Variants in KIF1B observed in about 807,000 individuals in gnomAD.
The protein encoded by KIF1B is kinesin-like protein KIF1B.
A neutral mutation model predicts 241.9 loss-of-function variants in KIF1B; 76 were observed. That is an observed-to-expected ratio of 0.31 (90% CI 0.26 to 0.38). The LOEUF is 0.38. KIF1B is among the 10% of genes least tolerant of loss of function. The probability of loss-of-function intolerance (pLI) is 1.00; values close to 1 mark genes in which losing one functional copy is unlikely to be tolerated. For missense variants in KIF1B, 1,622 were observed against 2,271.4 expected, an observed-to-expected ratio of 0.71 and a Z score of 5.81; for synonymous variants, 750 against 796.7, an observed-to-expected ratio of 0.94 and a Z score of 0.99.
At chr1:10,275,741 T>C (rs1649064084) in intron 11 of KIF1B, among the ~76,000 whole-genome samples, 1 of 152,142 alleles carries the variant, frequency 6.6e-6, no homozygotes, top group African/African-American at 2.4e-5. Flanking sequence ...GCAGTAGTTG[T>C]CCTCCCGACT....
chr1:10,334,012 A>G (rs771529579), intron 27 of KIF1B, among the ~76,000 whole-genome samples: 4 of 151,846 alleles, frequency 2.6e-5, no homozygotes, highest in Non-Finnish European at 4.4e-5. Context: ...TTAGCTGGCT[A>G]TGGTGGCACG....
rs754692148 is a variant in KIF1B at position 10,365,134 on chromosome 1, G to A, written c.4401G>A (p.Thr1467=). The A allele has an allele frequency of 1.5e-5, 24 of 1,613,692 alleles. No homozygotes were observed. In the South Asian group the frequency reaches 2.0e-4, roughly 13 times the overall value. The change falls in exon 42 of 49, where the codon ACG becomes ACA. Residue 1467 remains threonine, a synonymous_variant. Coordinates refer to ENST00000676179, the MANE Select transcript of KIF1B (RefSeq NM_001365951.3). The surrounding 1 kb of genome is among the most constrained non-coding windows in gnomAD (Gnocchi z 4.0). ...MQRRRRKILD[T]SVAYVRGEEN... is the part of the protein sequence containing the mutation. ...GAAGGAGAAGAAAAATCTTAGATACGTCAGTGGCATATGTGCGGGGAGAAG... is the reference window on the plus strand; with the variant it reads ...GAAGGAGAAGAAAAATCTTAGATACATCAGTGGCATATGTGCGGGGAGAAG...
chr1:10,348,345 C>T (rs888306460), intron 36 of KIF1B, among the ~76,000 whole-genome samples: 1 of 152,146 alleles, frequency 6.6e-6, no homozygotes, highest in African/African-American at 2.4e-5. Flanking sequence ...TGGTTGAATA[C>T]TTATTATACA....
Position 10,380,082 on chromosome 1 carries a change from C to G in KIF1B, c.*3495C>G, listed in dbSNP as rs1638983628. 4.4e-6 allele frequency: 1 copy of G among 228,328 alleles called. No homozygotes were observed. Among genetic ancestry groups the G allele is most frequent in the Non-Finnish European group, 8.7e-6 (1 of 114,836 alleles). The allele number at this position is 228,328 out of a possible 1,614,324, so 14.1% of individuals were successfully genotyped here. A position where few individuals can be genotyped will look rare whatever the true frequency, so the allele number is the denominator to read the frequency against. On this transcript the variant is annotated 3_prime_UTR_variant, in exon 49 of 49. Transcript: ENST00000676179. Reference sequence around the variant, plus strand: ...CTCATTTCAGATGAAGGAACTAAGTCATTGTGAACTGTCTCTTGAGATCTA... The same window carrying G: ...CTCATTTCAGATGAAGGAACTAAGTGATTGTGAACTGTCTCTTGAGATCTA...
At position 10,371,192 on chromosome 1, in the gene KIF1B, A is replaced by C. The variant is rs1459184012; in HGVS notation, c.4876A>C (p.Ser1626Arg). 6.2e-7 allele frequency: 1 copy of C among 1,614,120 alleles called. No individual in the cohort carries two copies. Among genetic ancestry groups the C allele is most frequent in the Non-Finnish European group, 8.5e-7 (1 of 1,180,006 alleles). ...GRDPSESSFS[S>R]ATLTPSSTCP... is the part of the protein sequence containing the mutation. Reference sequence around the variant, plus strand: ...GGATCCCTCTGAGTCCAGTTTCAGCAGTGCCACCCTCACTCCCTCCTCCAC... The same window carrying C: ...GGATCCCTCTGAGTCCAGTTTCAGCCGTGCCACCCTCACTCCCTCCTCCAC... Residue 1626 changes from serine (S) to arginine (R), a missense_variant, in exon 45 of 49, where the codon AGT (serine) becomes CGT (arginine). Physicochemically the swap from Ser to Arg is moderately radical, Grantham distance 110 (BLOSUM62 -1). Around this residue, in one of 7 missense-constraint regions of KIF1B, gnomAD observed 357 missense variants for 409.0 expected, o/e 0.87. Coordinates refer to ENST00000676179, the MANE Select transcript of KIF1B (RefSeq NM_001365951.3).
intron 15 of KIF1B, among the ~76,000 whole-genome samples, chr1:10,286,763 C>G (rs923718941): frequency 6.6e-6 from 1 of 152,050 alleles, no homozygotes. Flanking sequence ...TGACGTGAGA[C>G]CAAAGAGTGA....
chr1:10,317,844 T>C (rs1205556031), intron 22 of KIF1B, among the ~76,000 whole-genome samples: 2 of 123,792 alleles, frequency 1.6e-5, no homozygotes, highest in Non-Finnish European at 3.5e-5. Flanking sequence ...AAAAAAAAAA[T>C]TGCCTGACAT....
At chr1:10,373,117 A>C in intron 45 of KIF1B, among the ~76,000 whole-genome samples, 1 of 142,252 alleles carries the variant, frequency 7.0e-6, no homozygotes, top group Non-Finnish European at 1.5e-5. Flanking sequence ...ACCCGGCCAC[A>C]CCCAGCTAAT....
At chr1:10,313,134 T>A (rs1364505158) in intron 22 of KIF1B, among the ~76,000 whole-genome samples, 1 of 151,458 alleles carries the variant, frequency 6.6e-6, no homozygotes, top group Non-Finnish European at 1.5e-5. Context: ...GACACGATCT[T>A]GGCTCACTGC....
intron 7 of KIF1B, among the ~76,000 whole-genome samples, chr1:10,268,585 C>T (rs1192745423): frequency 1.3e-5 from 2 of 150,970 alleles, no homozygotes; most frequent in Admixed American, 6.6e-5. Context: ...CTTGACTGAA[C>T]CTTTTTATTA....
At position 10,337,107 on chromosome 1, in the gene KIF1B, G is replaced by T. The variant is rs2102315795; in HGVS notation, c.3163G>T (p.Gly1055Cys). 1.2e-6 allele frequency: 2 copies of T among 1,614,060 alleles called. No individual in the cohort carries two copies. Among genetic ancestry groups the T allele is most frequent in the Non-Finnish European group, 1.7e-6 (2 of 1,180,014 alleles). The change falls in exon 30 of 49, where the codon GGT (glycine) becomes TGT (cysteine). Residue 1055 changes from glycine to cysteine, a missense_variant. This residue lies in a region of KIF1B where 803 missense variants were observed against 1,112.0 expected (regional missense o/e 0.72). Coordinates refer to ENST00000676179, the MANE Select transcript of KIF1B (RefSeq NM_001365951.3). The surrounding 1 kb of genome is among the most constrained non-coding windows in gnomAD (Gnocchi z 4.0). ...DFSSVAMTRS[G>C]LSLEELRIVE... ...TTCGTCTGTTGCAATGACTCGTTCT[G>T]GTCTGTCCTTGGAGGAGTTGAGGAT...
intron 3 of KIF1B, among the ~76,000 whole-genome samples, chr1:10,257,387 C>G (rs12117635): frequency 6.7e-6 from 1 of 149,158 alleles, no homozygotes; most frequent in Admixed American, 6.6e-5. Context: ...GGCAGGTGAA[C>G]TGCTTGAACC....
At chr1:10,233,779 T>A (rs924336173) in intron 2 of KIF1B, among the ~76,000 whole-genome samples, 3 of 150,700 alleles carry the variant, frequency 2.0e-5, no homozygotes, top group African/African-American at 7.3e-5. Context: ...AGTGGCATGA[T>A]CTCAGGTGCC....
intron 27 of KIF1B, among the ~76,000 whole-genome samples, chr1:10,329,689 C>T (rs769904188): frequency 2.6e-5 from 4 of 152,014 alleles, no homozygotes; most frequent in East Asian, 1.9e-4. Context: ...GCCGAGATCG[C>T]GCCACTGCAC....
chr1:10,319,508 C>T (rs959566744), intron 22 of KIF1B, among the ~76,000 whole-genome samples: 15 of 152,220 alleles, frequency 9.9e-5, no homozygotes, highest in African/African-American at 3.6e-4. Context: ...CTTTTGGTTA[C>T]CTGAAGGCTA....
chr1:10,320,107 C>G lies in KIF1B; in HGVS notation c.2180C>G (p.Thr727Arg). The G allele has an allele frequency of 6.2e-7, 1 of 1,613,612 alleles. No homozygotes were observed. The highest frequency in any genetic ancestry group is 8.5e-7 in the Non-Finnish European group (1 of 1,179,608). The change falls in exon 23 of 49, where the codon ACA becomes AGA. Residue 727 changes from threonine to arginine, a missense_variant. Around this residue, in one of 7 missense-constraint regions of KIF1B, gnomAD observed 803 missense variants for 1,112.0 expected, o/e 0.72. Coordinates refer to ENST00000676179, the MANE Select transcript of KIF1B (RefSeq NM_001365951.3). ...GAAACCCGATCTCTGGCTGCAGAAA[C>G]AACTGAAGAGGAGGAAGAAGAGGAA... ...QVETRSLAAETTEEEEEEEEV... is the reference protein window; with the variant it reads ...QVETRSLAAERTEEEEEEEEV...
intron 5 of KIF1B, among the ~76,000 whole-genome samples, chr1:10,264,303 G>T (rs115614727): frequency 0.019 from 2,840 of 152,290 alleles, 40 homozygotes; most frequent in Non-Finnish European, 0.028. Flanking sequence ...CTAGAACAGT[G>T]CCTGTAAGAG....
At chr1:10,359,753 G>C (rs577181702) in intron 38 of KIF1B, among the ~76,000 whole-genome samples, 1 of 151,670 alleles carries the variant, frequency 6.6e-6, no homozygotes, top group Admixed American at 6.6e-5. Context: ...TAAGGCTCTC[G>C]GCCGGCACAG....
intron 25 of KIF1B, 28 bp from the exon 26 acceptor site, chr1:10,324,730 C>G: frequency 6.2e-7 from 1 of 1,610,848 alleles, no homozygotes; most frequent in South Asian, 1.1e-5. Context: ...ATTATATTAA[C>G]CCAATGTGCT....
Sources: gnomAD v4.1 joint callset for allele counts (sites outside exome capture counted in the v4.1 genomes callset) on GRCh38, gnomAD v4.1.1 for gene constraint, gnomAD v4.1.1 regional missense constraint, Gnocchi (gnomAD v3.1) non-coding constraint, MANE v1.5 for transcripts, NCBI Gene and HGNC (gene_info 2026-07-23, HGNC 2026-07-21) for gene names.